The following ALDH18A1 variants were observed in gnomAD, a reference collection of about 807,000 sequenced individuals.
ALDH18A1 encodes the protein delta-1-pyrroline-5-carboxylate synthase.
ALDH18A1 carries 44 observed loss-of-function variants against 88.8 expected under a neutral mutation model. That is an observed-to-expected ratio of 0.50 (90% CI 0.39 to 0.64). The LOEUF (loss-of-function observed/expected upper bound fraction) is 0.64, where lower values mean the gene tolerates loss of function less well. Ranked by LOEUF, ALDH18A1 falls within the 30% of genes least tolerant of loss-of-function variation. The pLI, the probability that ALDH18A1 is intolerant of heterozygous loss-of-function variation, is 0.00. For synonymous variants in ALDH18A1, 331 were observed against 372.1 expected, an observed-to-expected ratio of 0.89 and a Z score of 1.27; for missense variants, 782 against 1,009.5, an observed-to-expected ratio of 0.77 and a Z score of 3.05.
At position 95,628,422 on chromosome 10, in the gene ALDH18A1, C is replaced by T. The variant is rs1255939348; in HGVS notation, c.879G>A (p.Gln293=). The change falls in exon 8 of 18, where the codon CAG becomes CAA. Residue 293 remains glutamine, a synonymous_variant. Coordinates refer to ENST00000371224, the MANE Select transcript of ALDH18A1 (RefSeq NM_002860.4). ...TAGACTTGGTTCCAAATGTCACAGA[C>T]TGCTGATCTCCGGGATAAAATATAT... ...LIDIFYPGDQ[Q]SVTFGTKSRV... is the part of the protein sequence containing the mutation. The T allele has an allele frequency of 6.2e-7, 1 of 1,614,182 alleles. No individual in the cohort carries two copies. Among genetic ancestry groups the T allele is most frequent in the African/African-American group, 1.3e-5 (1 of 75,058 alleles).
At chr10:95,641,610 C>T (rs2097891785) in intron 3 of ALDH18A1, among the ~76,000 whole-genome samples, 1 of 151,764 alleles carries the variant, frequency 6.6e-6, no homozygotes, top group Non-Finnish European at 1.5e-5. Flanking sequence ...AGCTCCTGGG[C>T]TCCAGCAATC....
intron 3 of ALDH18A1, among the ~76,000 whole-genome samples, chr10:95,642,670 A>C (rs1056337474): frequency 5.3e-5 from 8 of 151,396 alleles, no homozygotes; most frequent in Non-Finnish European, 8.9e-5. Flanking sequence ...GCTAGGTGTG[A>C]AGCCCAAGCA....
intron 12 of ALDH18A1, among the ~76,000 whole-genome samples, chr10:95,618,946 T>G (rs978575458): frequency 1.3e-5 from 2 of 152,210 alleles, no homozygotes; most frequent in Non-Finnish European, 2.9e-5. Context: ...GAACAACTAC[T>G]TTAGGATACT....
rs1566031949 is a variant in ALDH18A1, at chr10:95,637,576, A to C, written c.304-140T>G. The C allele has an allele frequency of 4.0e-6, 4 of 990,964 alleles. No homozygotes were observed. In the South Asian group the frequency reaches 4.5e-5, roughly 11 times the overall value. The allele number at this position is 990,964 out of a possible 1,614,324, so 61.4% of individuals were successfully genotyped here. ...ACCAGCATGTGGCTGGCTCTGGAAG[A>C]ATCAGCCAGATTGGTAAAAACACAG... On this transcript the variant is annotated intron_variant, in intron 3 of 17. Coordinates refer to ENST00000371224, the MANE Select transcript of ALDH18A1 (RefSeq NM_002860.4).
chr10:95,613,563 C>T (rs556575429), intron 15 of ALDH18A1, among the ~76,000 whole-genome samples, 179 bp downstream of exon 15: 10 of 152,146 alleles, frequency 6.6e-5, no homozygotes, highest in Non-Finnish European at 1.3e-4. Flanking sequence ...TGGTTTGGTT[C>T]GACTACTAGA....
chr10:95,607,848 A>G (rs559386263), intron 17 of ALDH18A1, among the ~76,000 whole-genome samples: 1 of 152,202 alleles, frequency 6.6e-6, no homozygotes, highest in South Asian at 2.1e-4. Context: ...AACCAGACAG[A>G]GGTGCTGCAG....
intron 13 of ALDH18A1, 62 bp from the exon 14 acceptor site, chr10:95,614,223 C>A: frequency 6.5e-7 from 1 of 1,536,676 alleles, no homozygotes; most frequent in Non-Finnish European, 9.0e-7. Flanking sequence ...ATAAAAACAG[C>A]AGCTTCCCTT....
chr10:95,638,348 A>T (rs904539104), intron 3 of ALDH18A1, among the ~76,000 whole-genome samples: 10 of 152,208 alleles, frequency 6.6e-5, no homozygotes, highest in African/African-American at 2.2e-4. Flanking sequence ...TAATGAGGAA[A>T]TTCTGGTGTG....
intron 17 of ALDH18A1, among the ~76,000 whole-genome samples, chr10:95,608,279 T>C (rs2097826540): frequency 6.6e-6 from 1 of 152,250 alleles, no homozygotes; most frequent in Non-Finnish European, 1.5e-5. Context: ...TATGTTGCTA[T>C]TTCTTTTTCA....
rs936667396 is a variant in ALDH18A1 at position 95,606,115 on chromosome 10, G to C, written c.*647C>G. The C allele has an allele frequency of 2.5e-5, 9 of 360,494 alleles. No homozygotes were observed. Among genetic ancestry groups the C allele is most frequent in the African/African-American group, 1.8e-4 (8 of 45,176 alleles). 22.3% of individuals were successfully genotyped at this position (360,494 alleles called of 1,614,324 possible). A position where few individuals can be genotyped will look rare whatever the true frequency, so the allele number is the denominator to read the frequency against. ...CTCAGTGGGGAACATCCTGAAACTT[G>C]CATCTCCTGCTGCAGCTTGGGTTCC... On this transcript the variant is annotated 3_prime_UTR_variant, in exon 18 of 18. Coordinates refer to ENST00000371224, the MANE Select transcript of ALDH18A1 (RefSeq NM_002860.4).
rs2139512600 is a variant in ALDH18A1, at chr10:95,606,596, A to C, written c.*166T>G. 1 of 1,570,450 alleles carries C rather than the reference A, an allele frequency of 6.4e-7. No individual in the cohort carries two copies. Among genetic ancestry groups the C allele is most frequent in the East Asian group, 2.3e-5 (1 of 44,418 alleles). ...GTGAGCTGGGAGCCAGACTGTGCACATCAGCCAAGACTGCTATTGCCAAAC... is the reference window on the plus strand; with the variant it reads ...GTGAGCTGGGAGCCAGACTGTGCACCTCAGCCAAGACTGCTATTGCCAAAC... On this transcript the variant is annotated 3_prime_UTR_variant, in exon 18 of 18. Transcript: ENST00000371224.
Position 95,616,488 on chromosome 10 carries a change from C to T in ALDH18A1, c.1594G>A (p.Ala532Thr), listed in dbSNP as rs750704586. Residue 532 changes from alanine to threonine, a missense_variant, in exon 13 of 18, where the codon GCC (alanine) becomes ACC (threonine). Ala to Thr is a moderately conservative substitution (Grantham distance 58). Around this residue, in one of 3 missense-constraint regions of ALDH18A1, gnomAD observed 556 missense variants for 654.5 expected, o/e 0.85. Coordinates refer to ENST00000371224, the MANE Select transcript of ALDH18A1 (RefSeq NM_002860.4). Reference sequence around the variant, plus strand: ...TCCCAGGGACCTACCAGTTGCACGGCCTCCTTGACTCCATGGATTGAGAGA... The same window carrying T: ...TCCCAGGGACCTACCAGTTGCACGGTCTCCTTGACTCCATGGATTGAGAGA... The part of the protein sequence containing the change: ...EALSIHGVKE[A>T]VQLVNTREEV... 5 of 1,567,314 alleles carry T rather than the reference C, an allele frequency of 3.2e-6. No individual in the cohort carries two copies. The highest frequency in any genetic ancestry group is 4.3e-6 in the Non-Finnish European group (5 of 1,155,004).
At chr10:95,630,731 T>A (rs1047522673) in intron 7 of ALDH18A1, among the ~76,000 whole-genome samples, 4 of 151,968 alleles carry the variant, frequency 2.6e-5, no homozygotes, top group Non-Finnish European at 5.9e-5. Context: ...GGAGAATGAA[T>A]AAATAGAAAA....
At chr10:95,627,206 G>A (rs563688950) in intron 9 of ALDH18A1, among the ~76,000 whole-genome samples, 1 of 147,728 alleles carries the variant, frequency 6.8e-6, no homozygotes, top group South Asian at 2.1e-4. Context: ...CCTAGCAAAT[G>A]TTTCTTGAGA....
intron 12 of ALDH18A1, among the ~76,000 whole-genome samples, chr10:95,617,178 C>T (rs1389933051): frequency 2.6e-5 from 4 of 152,164 alleles, no homozygotes; most frequent in Admixed American, 2.6e-4. Context: ...GCCTGGGAGG[C>T]GGAGGCTGCA....
chr10:95,633,864 C>T (rs978053200), intron 5 of ALDH18A1, among the ~76,000 whole-genome samples: 8 of 141,818 alleles, frequency 5.6e-5, no homozygotes, highest in African/African-American at 1.0e-4. Flanking sequence ...TCGCTCAGGC[C>T]GTAATGCAGT....
At position 95,628,359 on chromosome 10, in the gene ALDH18A1, G is replaced by A; in HGVS notation, c.933+9C>T. On this transcript the variant is annotated intron_variant, in intron 8 of 17. Coordinates refer to ENST00000371224, the MANE Select transcript of ALDH18A1 (RefSeq NM_002860.4). ...ATTGTTATAGGCAGTTAAGGCACCA[G>A]ATTCTTACCTTGGCTTCCATGCCAC... The A allele has an allele frequency of 6.2e-7, 1 of 1,614,132 alleles. No homozygotes were observed. Among genetic ancestry groups the A allele is most frequent in the African/African-American group, 1.3e-5 (1 of 75,066 alleles).
intron 11 of ALDH18A1, among the ~76,000 whole-genome samples, 182 bp from the exon 12 acceptor site, chr10:95,621,433 C>T (rs1299907805): frequency 6.6e-6 from 1 of 151,836 alleles, no homozygotes; most frequent in Non-Finnish European, 1.5e-5. Context: ...GATTCTCCCA[C>T]CTCAGCCTCC....
At chr10:95,611,118 A>C in intron 16 of ALDH18A1, 138 bp downstream of exon 16, 1 of 994,418 alleles carries the variant, frequency 1.0e-6, no homozygotes, top group Non-Finnish European at 1.5e-6. Flanking sequence ...TCATCAAAGT[A>C]CCAAATGCAA....
Sources: allele counts gnomAD v4.1 joint callset (sites outside exome capture counted in the v4.1 genomes callset), GRCh38; gene constraint gnomAD v4.1.1; regional missense constraint gnomAD v4.1.1; transcripts MANE v1.5; gene names NCBI Gene and HGNC (gene_info 2026-07-23, HGNC 2026-07-21).